Variants in NBEAL1 observed in about 807,000 individuals in gnomAD.
NBEAL1 encodes the protein neurobeachin like 1.
A neutral mutation model predicts 351.3 loss-of-function variants in NBEAL1; 273 were observed. That is an observed-to-expected ratio of 0.78 (90% confidence interval 0.70 to 0.86). The LOEUF is 0.86. Among genes scored for constraint, NBEAL1 ranks in the 40% least tolerant of loss-of-function variants. The pLI is 0.00. For missense variants in NBEAL1, 2,961 were observed against 3,201.3 expected (o/e 0.92, Z 1.81); for synonymous variants, 1,050 against 1,086.4 (o/e 0.97, Z 0.66).
At chr2:203,076,297 A>G (rs886567894) in intron 7 of NBEAL1, among the ~76,000 whole-genome samples, 2 of 151,956 alleles carry the variant, frequency 1.3e-5, no homozygotes, top group Admixed American at 6.6e-5. Context: ...AGCCTGGACA[A>G]CATTGCAAAA....
intron 43 of NBEAL1, chr2:203,181,344 C>G (rs1257904417): frequency 6.6e-6 from 1 of 152,008 alleles, no homozygotes; most frequent in Non-Finnish European, 1.5e-5. Context: ...TATTCTTTGA[C>G]TTTTTATAGG....
intron 2 of NBEAL1, among the ~76,000 whole-genome samples, chr2:203,022,629 A>G (rs1181916542): frequency 6.6e-6 from 1 of 152,228 alleles, no homozygotes; most frequent in Non-Finnish European, 1.5e-5. Flanking sequence ...GAAGAGAGAT[A>G]AAAATGTAAT....
chr2:203,020,962 CCAAACTGGAGTG>C (rs1314275233), intron 2 of NBEAL1, among the ~76,000 whole-genome samples: 1 of 152,020 alleles, frequency 6.6e-6, no homozygotes, highest in Non-Finnish European at 1.5e-5. Context: ...ACTCTGTGGC[CCAAACTGGAGTG>C]CAGTGGCCCA....
At chr2:203,200,205 C>G (rs2065355134) in intron 49 of NBEAL1, among the ~76,000 whole-genome samples, 2 of 152,154 alleles carry the variant, frequency 1.3e-5, no homozygotes, top group Admixed American at 6.5e-5. Flanking sequence ...TGGCAAAACC[C>G]CGTCTCTACT....
intron 44 of NBEAL1, among the ~76,000 whole-genome samples, chr2:203,187,240 T>A (rs906143013): frequency 3.3e-5 from 5 of 151,698 alleles, no homozygotes; most frequent in Admixed American, 3.3e-4. Context: ...TAATTTTTTG[T>A]AGAGAGTGGG....
At chr2:203,016,459 T>G (rs1311611946) in intron 2 of NBEAL1, 24 bp downstream of exon 2, 1 of 1,392,844 alleles carries the variant, frequency 7.2e-7, no homozygotes, top group Admixed American at 2.3e-5. Flanking sequence ...TTTTTATTTT[T>G]ATGTTTTAAA....
At chr2:203,073,590 A>G (rs1302286603) in intron 7 of NBEAL1, among the ~76,000 whole-genome samples, 4 of 152,164 alleles carry the variant, frequency 2.6e-5, no homozygotes, top group African/African-American at 9.7e-5. Flanking sequence ...ATAGTACACT[A>G]TGATTGTGCC....
At chr2:203,180,922 A>G (rs2064694361) in intron 43 of NBEAL1, 1 of 94,922 alleles carries the variant, frequency 1.1e-5, no homozygotes, top group Non-Finnish European at 2.3e-5. Flanking sequence ...TTCACTGAAT[A>G]CAGCCAGTCA....
chr2:203,061,970 A>G, intron 6 of NBEAL1: 1 of 286,436 alleles, frequency 3.5e-6, no homozygotes, highest in South Asian at 3.1e-5. Flanking sequence ...GCTTTCCCAC[A>G]TTGTTTACAT....
At chr2:203,196,039 A>G (rs2065233042) in intron 47 of NBEAL1, among the ~76,000 whole-genome samples, 2 of 152,334 alleles carry the variant, frequency 1.3e-5, no homozygotes, top group East Asian at 1.9e-4. Flanking sequence ...CCTTTCTGTA[A>G]CAATGATGGC....
chr2:203,103,406 G>A (rs1466715360), intron 12 of NBEAL1, among the ~76,000 whole-genome samples: 1 of 151,886 alleles, frequency 6.6e-6, no homozygotes, highest in Non-Finnish European at 1.5e-5. Context: ...TGAGTAGCTG[G>A]GATTACAGGC....
chr2:203,113,420 A>C, intron 17 of NBEAL1, 102 bp downstream of exon 17: 7 of 648,526 alleles, frequency 1.1e-5, no homozygotes, highest in Non-Finnish European at 1.3e-5. Flanking sequence ...ATATATTCTG[A>C]AGAATATATT....
chr2:203,023,618 CTGTT>C (rs1245175350), intron 2 of NBEAL1, among the ~76,000 whole-genome samples: 2 of 138,720 alleles, frequency 1.4e-5, no homozygotes, highest in Non-Finnish European at 3.1e-5. Flanking sequence ...TTTTTTTTTT[CTGTT>C]TGTTTCGGAC....
chr2:203,149,360 G>T (rs1575046504), intron 34 of NBEAL1, among the ~76,000 whole-genome samples: 1 of 152,034 alleles, frequency 6.6e-6, no homozygotes, highest in South Asian at 2.1e-4. Flanking sequence ...GCCTTCCTTT[G>T]ACCCTTTGAT....
chr2:203,147,599 T>G (rs2063544901), intron 33 of NBEAL1, among the ~76,000 whole-genome samples: 1 of 152,102 alleles, frequency 6.6e-6, no homozygotes. Flanking sequence ...GGTGTATATA[T>G]TTGGTTAAGC....
chr2:203,136,520 G>A (rs979630250), intron 28 of NBEAL1, 79 bp from the exon 29 acceptor site: 1 of 1,019,366 alleles, frequency 9.8e-7, no homozygotes, highest in South Asian at 1.7e-5. Context: ...ATTACAATGA[G>A]TATATGTAAT....
chr2:203,050,204 A>G (rs780146611), intron 4 of NBEAL1: 3 of 327,772 alleles, frequency 9.2e-6, no homozygotes, highest in African/African-American at 2.1e-5. Flanking sequence ...TTCTGCATAC[A>G]TATCCCAGAA....
chr2:203,122,225 T>A, intron 18 of NBEAL1, 29 bp from the exon 19 acceptor site: 1 of 1,275,006 alleles, frequency 7.8e-7, no homozygotes, highest in Non-Finnish European at 1.1e-6. Flanking sequence ...TCTAATTGGT[T>A]GTTTGCCATA....
Position 203,112,116 on chromosome 2 carries a change from A to G in NBEAL1, c.2202+18A>G. 1 of 1,545,250 alleles carries G rather than the reference A, an allele frequency of 6.5e-7. No individual in the cohort carries two copies. The highest frequency in any genetic ancestry group is 8.7e-7 in the Non-Finnish European group (1 of 1,145,406). ...TGAATGAAGTAAGTATATCCAACCT[A>G]CTCTTTACGGGCCCTATTGGTTGAG... On this transcript the variant is annotated intron_variant, in intron 16 of 55. Coordinates refer to ENST00000683969, the MANE Select transcript of NBEAL1 (RefSeq NM_001378026.1).
Sources: gnomAD v4.1 joint callset for allele counts (sites outside exome capture counted in the v4.1 genomes callset) on GRCh38, gnomAD v4.1.1 for gene constraint, MANE v1.5 for transcripts, NCBI Gene and HGNC (gene_info 2026-07-23, HGNC 2026-07-21) for gene names.